The following HLF variants were observed in gnomAD, a reference collection of about 807,000 sequenced individuals.
HLF encodes hepatic leukemia factor.
A neutral mutation model predicts 22.6 loss-of-function variants in HLF; 3 were observed. The ratio of observed to expected loss-of-function variants is 0.13; its 90% CI spans 0.06 to 0.34. The LOEUF (loss-of-function observed/expected upper bound fraction) is 0.34. Among genes scored for constraint, HLF ranks in the 10% least tolerant of loss-of-function variants. The pLI is 1.00. For synonymous variants in HLF, 151 were observed against 151.8 expected, an observed-to-expected ratio of 0.99 and a Z score of 0.04; for missense variants, 299 against 389.2, an observed-to-expected ratio of 0.77 and a Z score of 1.95.
chr17:55,302,801 G>A (rs112665643), intron 2 of HLF, among the ~76,000 whole-genome samples: 41 of 152,260 alleles, frequency 2.7e-4, no homozygotes, highest in African/African-American at 9.4e-4. Flanking sequence ...TTCAAGTGGC[G>A]CATATTGTCA....
chr17:55,318,620 G>A (rs182465873), intron 3 of HLF, among the ~76,000 whole-genome samples: 147 of 152,014 alleles, frequency 9.7e-4, no homozygotes, highest in African/African-American at 3.5e-3. Flanking sequence ...GTGTTCCAGG[G>A]GCTTGTTCTT....
chr17:55,265,437 T>G lies in HLF; in HGVS notation c.-48T>G. 1 of 1,220,872 alleles carries G rather than the reference T, an allele frequency of 8.2e-7. No homozygotes were observed. The highest frequency in any genetic ancestry group is 1.2e-6 in the Non-Finnish European group (1 of 837,102). 75.6% of individuals were successfully genotyped at this position (1,220,872 alleles called of 1,614,324 possible). ...CAGCAACATTTTAGGGGGCGGTTGT[T>G]TCTTTCTTATTTCTTTTTTTAAGGG... On this transcript the variant is annotated 5_prime_UTR_variant, in exon 1 of 4. Transcript: ENST00000226067.
In HLF at chr17:55,322,830, G is replaced by A. The variant is rs1905308262; in HGVS notation, c.*1951G>A. 1 of 228,648 alleles carries A rather than the reference G, an allele frequency of 4.4e-6. No homozygotes were observed. The highest frequency in any genetic ancestry group is 8.7e-6 in the Non-Finnish European group (1 of 114,996). 14.2% of individuals were successfully genotyped at this position (228,648 alleles called of 1,614,324 possible). A position where few individuals can be genotyped will look rare whatever the true frequency, so the allele number is the denominator to read the frequency against. Reference sequence around the variant, plus strand: ...CCTGCGGGCCCGCACGTTTTATGAGGTTGATATCGGTGCTATGTGTTTGGT... The same window carrying A: ...CCTGCGGGCCCGCACGTTTTATGAGATTGATATCGGTGCTATGTGTTTGGT... On this transcript the variant is annotated 3_prime_UTR_variant, in exon 4 of 4. Transcript: ENST00000226067.
chr17:55,310,390 A>G lies in HLF; in HGVS notation c.452-4837A>G, dbSNP rs188571214. On this transcript the variant is annotated intron_variant, in intron 2 of 3. Coordinates refer to ENST00000226067, the MANE Select transcript of HLF (RefSeq NM_002126.5). ...TGATTATCTCAATAAATAAATATCA[A>G]AAGGCATTTAAGAGAACTTAATACA... Among the ~76,000 whole-genome samples, 921 of 152,358 alleles carry G rather than the reference A, an allele frequency of 6.0e-3. 6 individuals are homozygous for G. The highest frequency in any genetic ancestry group is 0.01 in the Non-Finnish European group (685 of 68,038).
At chr17:55,318,771 G>C (rs999166232) in intron 3 of HLF, among the ~76,000 whole-genome samples, 2 of 152,174 alleles carry the variant, frequency 1.3e-5, no homozygotes, top group African/African-American at 4.8e-5. Context: ...ACTGTGAAGG[G>C]ATTGGAACCC....
intron 3 of HLF, among the ~76,000 whole-genome samples, chr17:55,317,507 G>A (rs1247541994): frequency 1.3e-5 from 2 of 152,224 alleles, no homozygotes; most frequent in South Asian, 4.1e-4. Context: ...TACACATATT[G>A]CTGCTGTCAT....
At chr17:55,316,635 A>G (rs1905074712) in intron 3 of HLF, among the ~76,000 whole-genome samples, 1 of 152,226 alleles carries the variant, frequency 6.6e-6, no homozygotes, top group African/African-American at 2.4e-5. Context: ...TGGAAAGCTG[A>G]AGTCAGCGGA....
intron 2 of HLF, among the ~76,000 whole-genome samples, chr17:55,313,079 G>A (rs990224336): frequency 3.3e-5 from 5 of 152,218 alleles, no homozygotes; most frequent in African/African-American, 1.2e-4. Flanking sequence ...CTGTGGTCCA[G>A]TTAGGTTTCT....
chr17:55,320,942 C>T lies in HLF; in HGVS notation c.*63C>T. On this transcript the variant is annotated 3_prime_UTR_variant, in exon 4 of 4. Coordinates refer to ENST00000226067, the MANE Select transcript of HLF (RefSeq NM_002126.5). The surrounding 1 kb of genome is among the most constrained non-coding windows in gnomAD (Gnocchi z 4.2). ...CAGTTTGTTTCCTGTCTGATAGCAC[C>T]ACACGCAAACCAACCTTTCTGACAT... 7.7e-7 allele frequency: 1 copy of T among 1,298,518 alleles called. No individual in the cohort carries two copies. The allele number at this position is 1,298,518 out of a possible 1,614,324, so 80.4% of individuals were successfully genotyped here.
At chr17:55,292,909 A>G (rs956618048) in intron 2 of HLF, among the ~76,000 whole-genome samples, 5 of 152,244 alleles carry the variant, frequency 3.3e-5, no homozygotes, top group Non-Finnish European at 7.3e-5. Flanking sequence ...CAAATATTGT[A>G]TGTTCTTATT....
Position 55,323,613 on chromosome 17 carries a change from C to G in HLF, c.*2734C>G. On this transcript the variant is annotated 3_prime_UTR_variant, in exon 4 of 4. Coordinates refer to ENST00000226067, the MANE Select transcript of HLF (RefSeq NM_002126.5). Reference sequence around the variant, plus strand: ...AAACACTTTGGAGTCTGTACAGGTGCCTTATATGTAGGTCATTGTCACGAT... The same window carrying G: ...AAACACTTTGGAGTCTGTACAGGTGGCTTATATGTAGGTCATTGTCACGAT... 4.4e-6 allele frequency: 1 copy of G among 227,346 alleles called. No individual in the cohort carries two copies. Among genetic ancestry groups the G allele is most frequent in the South Asian group, 1.8e-4 (1 of 5,478 alleles). 14.1% of individuals were successfully genotyped at this position (227,346 alleles called of 1,614,324 possible). A position where few individuals can be genotyped will look rare whatever the true frequency, so the allele number is the denominator to read the frequency against.
In HLF at chr17:55,322,745, G is replaced by A. The variant is rs1000135236; in HGVS notation, c.*1866G>A. 4.0e-5 allele frequency: 9 copies of A among 223,376 alleles called. No homozygotes were observed. The highest frequency in any genetic ancestry group is 1.8e-4 in the South Asian group (1 of 5,412). The allele number at this position is 223,376 out of a possible 1,614,324, so 13.8% of individuals were successfully genotyped here. A position where few individuals can be genotyped will look rare whatever the true frequency, so the allele number is the denominator to read the frequency against. On this transcript the variant is annotated 3_prime_UTR_variant, in exon 4 of 4. Transcript: ENST00000226067. ...CATCTGCCACAAAAATGTTCACTTC[G>A]AAATTCTGAGTTCCTGGAATGGCAC...
In HLF at chr17:55,274,933, C is replaced by G. The variant is rs188541913; in HGVS notation, c.451+6847C>G. On this transcript the variant is annotated intron_variant, in intron 2 of 3. Transcript: ENST00000226067. ...TTCCCTTCCTAGCTAATTAAGAACACTGGTCAAGAAATTTGGATTTCTCTC... is the reference window on the plus strand; with the variant it reads ...TTCCCTTCCTAGCTAATTAAGAACAGTGGTCAAGAAATTTGGATTTCTCTC... Among the ~76,000 whole-genome samples the G allele has an allele frequency of 3.3e-5, 5 of 152,354 alleles. No homozygotes were observed. The East Asian group carries it at 9.6e-4, about 29-fold the overall frequency.
chr17:55,300,435 A>G (rs1446738832), intron 2 of HLF, among the ~76,000 whole-genome samples: 1 of 152,126 alleles, frequency 6.6e-6, no homozygotes, highest in Non-Finnish European at 1.5e-5. Flanking sequence ...TCCAGTTTAC[A>G]TTGCCCTTCT....
intron 2 of HLF, among the ~76,000 whole-genome samples, chr17:55,296,837 A>ATTT (rs938535449): frequency 2.1e-5 from 3 of 145,376 alleles, no homozygotes; most frequent in Non-Finnish European, 3.0e-5. Context: ...ATTCAAAAAA[A>ATTT]TTTTTTTTTT....
In HLF at chr17:55,323,975, T is replaced by G. The variant is rs1313445861; in HGVS notation, c.*3096T>G. On this transcript the variant is annotated 3_prime_UTR_variant, in exon 4 of 4. Coordinates refer to ENST00000226067, the MANE Select transcript of HLF (RefSeq NM_002126.5). The stretch of plus-strand genomic sequence containing the variant: ...ACATTGTTGTTTCTTTTAACTAGAC[T>G]TGGCAAAGAAAGGCAAAAATTGACC... 1 of 229,112 alleles carries G rather than the reference T, an allele frequency of 4.4e-6. No individual in the cohort carries two copies. Among genetic ancestry groups the G allele is most frequent in the African/African-American group, 2.2e-5 (1 of 45,060 alleles). 14.2% of individuals were successfully genotyped at this position (229,112 alleles called of 1,614,324 possible).
intron 2 of HLF, among the ~76,000 whole-genome samples, chr17:55,269,250 G>T (rs189784746): frequency 3.9e-5 from 6 of 152,206 alleles, no homozygotes; most frequent in African/African-American, 1.4e-4. Context: ...CTGTGTGCTG[G>T]CCCCTTCTCC....
intron 2 of HLF, chr17:55,271,426 A>G (rs1186800045): frequency 6.6e-6 from 1 of 152,218 alleles, no homozygotes; most frequent in Non-Finnish European, 1.5e-5. Context: ...TTGAAGGGCA[A>G]TGAAACCATG....
intron 2 of HLF, chr17:55,271,530 ATTTG>A (rs902134488): frequency 2.0e-5 from 3 of 151,988 alleles, no homozygotes; most frequent in Non-Finnish European, 4.4e-5. Context: ...TTATTTACTT[ATTTG>A]TTTATTTATT....
Sources: allele counts gnomAD v4.1 joint callset (sites outside exome capture counted in the v4.1 genomes callset), GRCh38; gene constraint gnomAD v4.1.1; non-coding constraint Gnocchi (gnomAD v3.1); transcripts MANE v1.5; gene names NCBI Gene and HGNC (gene_info 2026-07-23, HGNC 2026-07-21).